The following ROCK1 variants were observed in gnomAD, a reference collection of about 807,000 sequenced individuals.
ROCK1 encodes Rho associated coiled-coil containing protein kinase 1, also known as rho-associated protein kinase 1.
A neutral mutation model predicts 196.8 loss-of-function variants in ROCK1; 36 were observed. That is an observed-to-expected ratio of 0.18 (90% CI 0.14 to 0.24). The LOEUF (loss-of-function observed/expected upper bound fraction) is 0.24. Among genes scored for constraint, ROCK1 ranks in the 10% least tolerant of loss-of-function variants. ROCK1 has a pLI of 1.00. For missense variants in ROCK1, 920 were observed against 1,562.0 expected, an observed-to-expected ratio of 0.59 and a Z score of 6.93; for synonymous variants, 443 against 515.9, an observed-to-expected ratio of 0.86 and a Z score of 1.91.
Position 20,947,645 on chromosome 18 carries a change from G to A in ROCK1, c.*3739C>T, listed in dbSNP as rs878981043. ...CCACCCTGGGCAACATAATCTCATC[G>A]GATTGTCATTATATGACTATTTATT... On this transcript the variant is annotated 3_prime_UTR_variant, in exon 33 of 33. Coordinates refer to ENST00000399799, the MANE Select transcript of ROCK1 (RefSeq NM_005406.3). 4 of 152,052 alleles carry A rather than the reference G, an allele frequency of 2.6e-5. No homozygotes were observed. Among genetic ancestry groups the A allele is most frequent in the African/African-American group, 7.2e-5 (3 of 41,390 alleles). The allele number at this position is 152,052 out of a possible 1,614,324, so 9.4% of individuals were successfully genotyped here. A position where few individuals can be genotyped will look rare whatever the true frequency, so the allele number is the denominator to read the frequency against.
chr18:20,998,479 G>A (rs1468143341), intron 16 of ROCK1, among the ~76,000 whole-genome samples: 1 of 151,090 alleles, frequency 6.6e-6, no homozygotes, highest in Non-Finnish European at 1.5e-5. Context: ...ATTAAACCAT[G>A]AAGAAATCCA....
At chr18:21,045,498 A>T in intron 4 of ROCK1, 31 bp from the exon 5 acceptor site, 1 of 1,502,166 alleles carries the variant, frequency 6.7e-7, no homozygotes, top group Admixed American at 2.2e-5. Flanking sequence ...AACAAAACAC[A>T]TTCATTAATG....
chr18:21,003,611 G>A (rs1043544718), intron 16 of ROCK1, among the ~76,000 whole-genome samples: 10 of 152,240 alleles, frequency 6.6e-5, no homozygotes, highest in South Asian at 2.1e-4. Flanking sequence ...AAATAATTCA[G>A]TGTCAGAGGA....
chr18:20,991,271 C>T lies in ROCK1; in HGVS notation c.2048G>A (p.Arg683Gln), dbSNP rs748173983. ...GTGTTCATTTACCTCTTGTTCTAAC[C>T]GTTGTTGTAATGATTTAAGTTTGTA... ...LNYKLKSLQQ[R>Q]LEQEVNEHKV... The change falls in exon 18 of 33, where the codon CGG (arginine) becomes CAG (glutamine). Residue 683 changes from arginine (R) to glutamine (Q), a missense_variant. Physicochemically the swap from Arg to Gln is conservative, Grantham distance 43 (BLOSUM62 1). This residue lies in a region of ROCK1 where 520 missense variants were observed against 657.1 expected (regional missense o/e 0.79). Coordinates refer to ENST00000399799, the MANE Select transcript of ROCK1 (RefSeq NM_005406.3). 3.7e-6 allele frequency: 6 copies of T among 1,607,174 alleles called. No individual in the cohort carries two copies. Among genetic ancestry groups the T allele is most frequent in the Admixed American group, 1.7e-5 (1 of 59,540 alleles).
chr18:21,029,583 T>C (rs1598534758), intron 9 of ROCK1, among the ~76,000 whole-genome samples: 2 of 152,126 alleles, frequency 1.3e-5, no homozygotes, highest in Admixed American at 6.5e-5. Flanking sequence ...TATGATATCA[T>C]TGTTAATAAA....
At chr18:21,064,984 T>C (rs2036321830) in intron 2 of ROCK1, among the ~76,000 whole-genome samples, 2 of 152,166 alleles carry the variant, frequency 1.3e-5, no homozygotes, top group South Asian at 2.1e-4. Context: ...CAACTGGGGA[T>C]AGGTGTTAGG....
At chr18:21,051,290 A>G (rs1428607384) in intron 2 of ROCK1, among the ~76,000 whole-genome samples, 1 of 152,138 alleles carries the variant, frequency 6.6e-6, no homozygotes, top group Non-Finnish European at 1.5e-5. Context: ...TCTACAAAAA[A>G]TATTTTTTTA....
intron 4 of ROCK1, among the ~76,000 whole-genome samples, 192 bp from the exon 5 acceptor site, chr18:21,045,659 A>G (rs974176645): frequency 1.3e-5 from 2 of 152,208 alleles, no homozygotes. Flanking sequence ...TGACTATAAC[A>G]TAATTATTCA....
In ROCK1 at chr18:20,991,285, T is replaced by C. The variant is rs746445879; in HGVS notation, c.2034A>G (p.Lys678=). 1 of 1,605,866 alleles carries C rather than the reference T, an allele frequency of 6.2e-7. No individual in the cohort carries two copies. Among genetic ancestry groups the C allele is most frequent in the South Asian group, 1.1e-5 (1 of 90,006 alleles). ...CTTGTTCTAACCGTTGTTGTAATGATTTAAGTTTGTAGTTTAAATCTATCT... is the reference window on the plus strand; with the variant it reads ...CTTGTTCTAACCGTTGTTGTAATGACTTAAGTTTGTAGTTTAAATCTATCT... ...NLEIDLNYKL[K]SLQQRLEQEV... is the part of the protein sequence containing the mutation. The change falls in exon 18 of 33, where the codon AAA becomes AAG. Residue 678 remains lysine (K), a synonymous_variant. Transcript: ENST00000399799.
chr18:21,048,383 A>C (rs1480546741), intron 4 of ROCK1, among the ~76,000 whole-genome samples: 1 of 152,158 alleles, frequency 6.6e-6, no homozygotes, highest in African/African-American at 2.4e-5. Flanking sequence ...GGAGACAGCT[A>C]AACAAAATGA....
At chr18:21,103,076 C>T (rs1475271950) in intron 1 of ROCK1, among the ~76,000 whole-genome samples, 1 of 152,056 alleles carries the variant, frequency 6.6e-6, no homozygotes, top group Non-Finnish European at 1.5e-5. Flanking sequence ...TGTTTAGGAA[C>T]TGTAATAAAA....
rs140764564 is a variant in ROCK1, at chr18:20,991,516, G to A, written c.1993-190C>T. On this transcript the variant is annotated intron_variant, in intron 17 of 32. Coordinates refer to ENST00000399799, the MANE Select transcript of ROCK1 (RefSeq NM_005406.3). ...TCCCATTTGAATCATTAATCATGGC[G>A]GAGGGCAGAACAAGGCTGTGCTGGT... Among the ~76,000 whole-genome samples, 731 of 152,244 alleles carry A rather than the reference G, an allele frequency of 4.8e-3. 12 individuals are homozygous for A. Among genetic ancestry groups the A allele is most frequent in the African/African-American group, 0.017 (695 of 41,546 alleles).
At chr18:20,967,143 TATG>T (rs2035381759) in intron 26 of ROCK1, 67 bp from the exon 27 acceptor site, 3 of 1,104,796 alleles carry the variant, frequency 2.7e-6, no homozygotes, top group Non-Finnish European at 4.0e-6. Flanking sequence ...CTAATTGAAA[TATG>T]ATAATTTAAA....
chr18:20,972,101 A>G (rs1047780366), intron 22 of ROCK1, among the ~76,000 whole-genome samples: 1 of 152,140 alleles, frequency 6.6e-6, no homozygotes, highest in Non-Finnish European at 1.5e-5. Flanking sequence ...AATAATCAAG[A>G]TTGGAGATGA....
intron 27 of ROCK1, among the ~76,000 whole-genome samples, chr18:20,961,355 T>C (rs1332500258): frequency 2.0e-5 from 3 of 152,216 alleles, no homozygotes; most frequent in Non-Finnish European, 4.4e-5. Context: ...TAACATTTAC[T>C]GATTTATTTA....
intron 2 of ROCK1, among the ~76,000 whole-genome samples, chr18:21,059,607 T>C (rs1403963418): frequency 2.0e-5 from 3 of 152,194 alleles, no homozygotes; most frequent in African/African-American, 2.4e-5. Flanking sequence ...GTAATAAAAG[T>C]ATATATTTAA....
chr18:20,955,299 C>T (rs1414857012), intron 29 of ROCK1, 54 bp from the exon 30 acceptor site: 1 of 1,501,652 alleles, frequency 6.7e-7, no homozygotes, highest in Non-Finnish European at 8.9e-7. Flanking sequence ...TTGTAAAAGA[C>T]ATTTCACTAA....
intron 22 of ROCK1, among the ~76,000 whole-genome samples, chr18:20,973,087 C>A (rs901343697): frequency 6.6e-6 from 1 of 151,908 alleles, no homozygotes; most frequent in East Asian, 1.9e-4. Context: ...CCATGTTGGT[C>A]AGGCTGGTCT....
At chr18:20,977,871 C>A (rs1273549057) in intron 22 of ROCK1, among the ~76,000 whole-genome samples, 1 of 152,154 alleles carries the variant, frequency 6.6e-6, no homozygotes, top group Non-Finnish European at 1.5e-5. Context: ...CTAGATTCTA[C>A]AATATGACTA....
Sources: allele counts gnomAD v4.1 joint callset (sites outside exome capture counted in the v4.1 genomes callset), GRCh38; gene constraint gnomAD v4.1.1; regional missense constraint gnomAD v4.1.1; transcripts MANE v1.5; gene names NCBI Gene and HGNC (gene_info 2026-07-23, HGNC 2026-07-21).